Variants in SMIM13 observed in about 807,000 individuals in gnomAD.
SMIM13 encodes the protein UPF0766 protein C6orf228.
In SMIM13, 3 loss-of-function variants were observed where a neutral mutation model predicts 5.9. The ratio of observed to expected loss-of-function variants is 0.51; its 90% CI spans 0.23 to 1.31. SMIM13 has a LOEUF of 1.31. Ranked by LOEUF, SMIM13 falls within the 40% of genes most tolerant of loss-of-function variation. The pLI is 0.18. For synonymous variants in SMIM13, 55 were observed against 46.0 expected (o/e 1.19, Z -0.79); for missense variants, 85 against 109.9 (o/e 0.77, Z 1.01).
intron 1 of SMIM13, chr6:11,103,523 C>G (rs1758029946): frequency 1.0e-6 from 1 of 966,874 alleles, no homozygotes; most frequent in African/African-American, 1.6e-5. Flanking sequence ...TAACTGCTTC[C>G]TGCTGACAGA....
intron 1 of SMIM13, among the ~76,000 whole-genome samples, chr6:11,106,092 A>C (rs1362111238): frequency 6.6e-6 from 1 of 152,198 alleles, no homozygotes; most frequent in East Asian, 1.9e-4. Context: ...TGTCCAGGGC[A>C]CTACTAACCT....
rs1758499727 is a variant in SMIM13, at chr6:11,134,896, G to C, written c.*294G>C. The C allele has an allele frequency of 4.8e-6, 1 of 210,340 alleles. No individual in the cohort carries two copies. Among genetic ancestry groups the C allele is most frequent in the Admixed American group, 5.7e-5 (1 of 17,448 alleles). The allele number at this position is 210,340 out of a possible 1,614,324, so 13.0% of individuals were successfully genotyped here. On this transcript the variant is annotated 3_prime_UTR_variant, in exon 2 of 2. Coordinates refer to ENST00000416247, the MANE Select transcript of SMIM13 (RefSeq NM_001135575.2). ...CAGATCTGGTAAACATTAAAGGCTT[G>C]AAAAACCATATTTTGTTAGCCCTAA... is the stretch of plus-strand genomic sequence containing the variant.
intron 1 of SMIM13, among the ~76,000 whole-genome samples, chr6:11,130,026 A>G (rs1758431332): frequency 6.6e-6 from 1 of 152,034 alleles, no homozygotes; most frequent in Non-Finnish European, 1.5e-5. Flanking sequence ...CCTGTGGTAG[A>G]AGTATCAGAT....
rs186950404 is a variant in SMIM13 at position 11,136,128 on chromosome 6, T to A, written c.*1526T>A. On this transcript the variant is annotated 3_prime_UTR_variant, in exon 2 of 2. Transcript: ENST00000416247. ...AGTTACTCCCTTTGTATAGGAGGAC[T>A]TTATGCTCAAGGAATGTGTTGTGGA... The A allele has an allele frequency of 6.6e-6, 1 of 152,284 alleles. No individual in the cohort carries two copies. Among genetic ancestry groups the A allele is most frequent in the East Asian group, 1.9e-4 (1 of 5,186 alleles). The allele number at this position is 152,284 out of a possible 1,614,324, so 9.4% of individuals were successfully genotyped here.
In SMIM13 at chr6:11,103,868, A is replaced by G. The variant is rs1024006240; in HGVS notation, c.76+9479A>G. The G allele has an allele frequency of 1.1e-5, 17 of 1,551,624 alleles. No homozygotes were observed. In the Admixed American group the frequency reaches 2.0e-4, roughly 18 times the overall value. Reference sequence around the variant, plus strand: ...GTGGGCCTGTAAGGGGAAGAACCCAAGAGAACCATTTCCAAGTTCCTTCCC... The same window carrying G: ...GTGGGCCTGTAAGGGGAAGAACCCAGGAGAACCATTTCCAAGTTCCTTCCC... On this transcript the variant is annotated intron_variant, in intron 1 of 1. Transcript: ENST00000416247.
chr6:11,117,224 C>T (rs1484804734), intron 1 of SMIM13, among the ~76,000 whole-genome samples: 10 of 143,042 alleles, frequency 7.0e-5, no homozygotes, highest in African/African-American at 1.3e-4. Flanking sequence ...AGTGCAGTGG[C>T]GGGATCTCGG....
chr6:11,107,505 G>C (rs961374369), intron 1 of SMIM13, among the ~76,000 whole-genome samples: 1 of 152,212 alleles, frequency 6.6e-6, no homozygotes, highest in Non-Finnish European at 1.5e-5. Flanking sequence ...AATGGGGACT[G>C]TCTCTGAAAC....
chr6:11,130,506 T>C (rs778077822), intron 1 of SMIM13, among the ~76,000 whole-genome samples: 3 of 152,126 alleles, frequency 2.0e-5, no homozygotes, highest in Non-Finnish European at 4.4e-5. Context: ...CAGTGTGGAA[T>C]TGGAGTGGCT....
At chr6:11,111,834 C>G (rs932465690) in intron 1 of SMIM13, 6 of 152,278 alleles carry the variant, frequency 3.9e-5, no homozygotes, top group African/African-American at 1.4e-4. Flanking sequence ...GTGCAGTGGC[C>G]TGTCAGCACT....
At chr6:11,123,065 C>T (rs1758330898) in intron 1 of SMIM13, among the ~76,000 whole-genome samples, 1 of 152,078 alleles carries the variant, frequency 6.6e-6, no homozygotes, top group South Asian at 2.1e-4. Context: ...TAAAAACATC[C>T]ATGTCCTCTC....
chr6:11,100,349 G>A (rs1347444733), intron 1 of SMIM13, among the ~76,000 whole-genome samples: 2 of 152,148 alleles, frequency 1.3e-5, no homozygotes, highest in African/African-American at 2.4e-5. Context: ...CATGAGCCAC[G>A]GTGCCTGGCC....
chr6:11,112,021 A>G (rs1349571828), intron 1 of SMIM13, among the ~76,000 whole-genome samples: 3 of 152,172 alleles, frequency 2.0e-5, no homozygotes, highest in African/African-American at 4.8e-5. Flanking sequence ...CTTATCAGGA[A>G]GTTGCTGATC....
chr6:11,134,835 T>C lies in SMIM13; in HGVS notation c.*233T>C. 3.1e-6 allele frequency: 1 copy of C among 318,384 alleles called. No homozygotes were observed. Among genetic ancestry groups the C allele is most frequent in the Non-Finnish European group, 5.7e-6 (1 of 176,738 alleles). The allele number at this position is 318,384 out of a possible 1,614,324, so 19.7% of individuals were successfully genotyped here. On this transcript the variant is annotated 3_prime_UTR_variant, in exon 2 of 2. Transcript: ENST00000416247. ...CACCAGCTTTCTACTTATACACTTA[T>C]TCCTTGGCTTTTGGGCTTATTTTCT... is the stretch of plus-strand genomic sequence containing the variant.
intron 1 of SMIM13, among the ~76,000 whole-genome samples, chr6:11,131,307 G>A (rs905284024): frequency 4.6e-5 from 7 of 151,770 alleles, no homozygotes; most frequent in Non-Finnish European, 1.0e-4. Context: ...GAAAAATTTG[G>A]TAAGTACAGA....
At chr6:11,099,679 A>AT (rs1473997393) in intron 1 of SMIM13, among the ~76,000 whole-genome samples, 11 of 152,218 alleles carry the variant, frequency 7.2e-5, no homozygotes, top group African/African-American at 2.4e-4. Context: ...GAAACACCTG[A>AT]TATGCCCAAT....
chr6:11,127,236 C>T (rs901201640), intron 1 of SMIM13, among the ~76,000 whole-genome samples: 3 of 152,296 alleles, frequency 2.0e-5, no homozygotes, highest in South Asian at 2.1e-4. Context: ...GGTGAGTTCT[C>T]CCCTAGCTGT....
intron 1 of SMIM13, among the ~76,000 whole-genome samples, chr6:11,132,062 T>TA (rs1254191378): frequency 2.0e-5 from 3 of 152,080 alleles, no homozygotes; most frequent in Non-Finnish European, 4.4e-5. Context: ...TAAGAACTCT[T>TA]ACAACTCAAT....
At chr6:11,097,058 G>A (rs111473930) in intron 1 of SMIM13, among the ~76,000 whole-genome samples, 21,935 of 152,024 alleles carry the variant, frequency 0.14, 1,749 homozygotes, top group Non-Finnish European at 0.18. Flanking sequence ...GGCTGATCTC[G>A]AGCTCCCGAC....
chr6:11,116,159 A>C (rs1758237224), intron 1 of SMIM13, among the ~76,000 whole-genome samples: 1 of 151,894 alleles, frequency 6.6e-6, no homozygotes, highest in South Asian at 2.1e-4. Flanking sequence ...CTGGGACTAC[A>C]GGCATGCAGT....
Sources: gnomAD v4.1 joint callset for allele counts (sites outside exome capture counted in the v4.1 genomes callset) on GRCh38, gnomAD v4.1.1 for gene constraint, MANE v1.5 for transcripts, NCBI Gene and HGNC (gene_info 2026-07-23, HGNC 2026-07-21) for gene names.